The following CREM variants were observed in gnomAD, a reference collection of about 807,000 sequenced individuals.
CREM encodes the protein cAMP responsive element modulator.
CREM carries 13 observed loss-of-function variants against 37.3 expected under a neutral mutation model. That is an observed-to-expected ratio of 0.35 (90% CI 0.23 to 0.55). The LOEUF is 0.55. Ranked by LOEUF, CREM falls within the 20% of genes least tolerant of loss-of-function variation. The probability of loss-of-function intolerance (pLI) is 0.88; values close to 1 mark genes in which losing one functional copy is unlikely to be tolerated. For missense variants in CREM, 296 were observed against 362.3 expected (o/e 0.82, Z 1.49); for synonymous variants, 124 against 120.2 (o/e 1.03, Z -0.21).
intron 3 of CREM, among the ~76,000 whole-genome samples, chr10:35,170,568 C>T (rs1057504171): frequency 6.6e-6 from 1 of 152,104 alleles, no homozygotes; most frequent in South Asian, 2.1e-4. Flanking sequence ...ATTATTGCCT[C>T]AATTTCAGAG....
intron 3 of CREM, chr10:35,176,006 T>A: frequency 6.5e-7 from 1 of 1,546,166 alleles, no homozygotes; most frequent in Non-Finnish European, 8.7e-7. Context: ...TCAGGTTAGC[T>A]TCCTTCCTGA....
intron 6 of CREM, among the ~76,000 whole-genome samples, chr10:35,199,336 C>G (rs12775799): frequency 6.6e-6 from 1 of 151,978 alleles, no homozygotes; most frequent in Non-Finnish European, 1.5e-5. Context: ...TTGAAAAATG[C>G]ATAACGAAAT....
At chr10:35,171,525 A>C (rs1807515756) in intron 3 of CREM, among the ~76,000 whole-genome samples, 1 of 152,152 alleles carries the variant, frequency 6.6e-6, no homozygotes, top group Non-Finnish European at 1.5e-5. Context: ...AAGATGATTA[A>C]AGCAATGTAA....
intron 7 of CREM, among the ~76,000 whole-genome samples, 169 bp from the exon 8 acceptor site, chr10:35,211,085 A>G (rs1651574732): frequency 6.6e-6 from 1 of 152,182 alleles, no homozygotes. Context: ...CTGTTGTCTA[A>G]TGGTTATCTT....
chr10:35,207,872 T>A (rs983574756), intron 7 of CREM, among the ~76,000 whole-genome samples: 4 of 152,240 alleles, frequency 2.6e-5, no homozygotes, highest in Admixed American at 6.5e-5. Flanking sequence ...TTAGATTGTC[T>A]TCCAGTCAGA....
chr10:35,168,148 A>G (rs1435300115), intron 3 of CREM, among the ~76,000 whole-genome samples: 2 of 152,286 alleles, frequency 1.3e-5, no homozygotes, highest in Non-Finnish European at 1.5e-5. Flanking sequence ...TGGTATTTCT[A>G]GTTCTAGATC....
At chr10:35,158,310 C>G (rs1051949407) in intron 3 of CREM, 1 of 169,536 alleles carries the variant, frequency 5.9e-6, no homozygotes, top group African/African-American at 2.4e-5. Flanking sequence ...ACTGCCATGG[C>G]CAGTCCATTG....
In CREM at chr10:35,130,048, T is replaced by C. The variant is rs534534861; in HGVS notation, c.-55+2855T>C. Among the ~76,000 whole-genome samples, 6 of 151,356 alleles carry C rather than the reference T, an allele frequency of 4.0e-5. No individual in the cohort carries two copies. In the South Asian group the frequency reaches 1.3e-3, roughly 32 times the overall value. On this transcript the variant is annotated intron_variant, in intron 1 of 7. Coordinates refer to ENST00000685392, the MANE Select transcript of CREM (RefSeq NM_183011.2). Reference sequence around the variant, plus strand: ...CCCGTCTCTACTAAAAATACAAAATTAGCCGGGCATGGTGGCCCATGCCTG... The same window carrying C: ...CCCGTCTCTACTAAAAATACAAAATCAGCCGGGCATGGTGGCCCATGCCTG...
At chr10:35,158,798 G>GTTTTTTTTTTTTTTTT (rs543961468) in intron 3 of CREM, among the ~76,000 whole-genome samples, 1 of 100,840 alleles carries the variant, frequency 9.9e-6, no homozygotes, top group Non-Finnish European at 2.1e-5. Context: ...CAAATATAGT[G>GTTTTTTTTTTTTTTTT]TTTTTTTTTT....
At chr10:35,186,981 G>A (rs867254061) in intron 5 of CREM, among the ~76,000 whole-genome samples, 713 of 69,196 alleles carry the variant, frequency 0.01, 11 homozygotes, top group African/African-American at 0.039. Flanking sequence ...TATATTATAT[G>A]TGATATATAT....
chr10:35,191,491 G>A (rs2094917108), intron 6 of CREM, among the ~76,000 whole-genome samples: 1 of 152,122 alleles, frequency 6.6e-6, no homozygotes, highest in African/African-American at 2.4e-5. Flanking sequence ...AACACAGCAA[G>A]GCCAGTGGGC....
chr10:35,132,214 A>AG (rs981137886), intron 1 of CREM, among the ~76,000 whole-genome samples: 9 of 150,998 alleles, frequency 6.0e-5, no homozygotes, highest in African/African-American at 2.2e-4. Context: ...AAAAAAAAAA[A>AG]AAAGAAAAAA....
At chr10:35,134,089 C>T (rs181004800) in intron 1 of CREM, among the ~76,000 whole-genome samples, 2 of 151,488 alleles carry the variant, frequency 1.3e-5, no homozygotes, top group African/African-American at 4.8e-5. Flanking sequence ...CTCTGTTGCC[C>T]TGGCTGGAGT....
At chr10:35,155,101 G>T (rs2092814857) in intron 3 of CREM, among the ~76,000 whole-genome samples, 1 of 152,082 alleles carries the variant, frequency 6.6e-6, no homozygotes, top group East Asian at 1.9e-4. Flanking sequence ...TCAAATTTCA[G>T]AAAAATTTTG....
chr10:35,179,266 G>A lies in CREM; in HGVS notation c.399G>A (p.Thr133=), dbSNP rs765026398. 19 of 1,614,026 alleles carry A rather than the reference G, an allele frequency of 1.2e-5. No individual in the cohort carries two copies. The highest frequency in any genetic ancestry group is 1.4e-5 in the Non-Finnish European group (16 of 1,179,978). ...CAACTAGCATATATCAGACTAGCAC[G>A]GGGCAATACAGTATGTATGCTGCAA... ...AVPTSIYQTS[T]GQYIAIAQGG... The change falls in exon 5 of 8, where the codon ACG becomes ACA. Residue 133 remains threonine, a synonymous_variant. Transcript: ENST00000685392.
intron 3 of CREM, among the ~76,000 whole-genome samples, chr10:35,169,967 T>C (rs1408889218): frequency 6.8e-6 from 1 of 147,544 alleles, no homozygotes; most frequent in South Asian, 2.1e-4. Flanking sequence ...TGGAGAAGCT[T>C]TTTTTTTTTT....
intron 6 of CREM, chr10:35,195,282 G>A (rs2095105047): frequency 6.4e-7 from 1 of 1,572,098 alleles, no homozygotes; most frequent in Non-Finnish European, 8.7e-7. Context: ...AAGTATTCAG[G>A]AACATCTGAG....
At chr10:35,143,894 G>C (rs182171161) in intron 2 of CREM, among the ~76,000 whole-genome samples, 1 of 152,290 alleles carries the variant, frequency 6.6e-6, no homozygotes, top group East Asian at 1.9e-4. Flanking sequence ...GGGAGTTCCA[G>C]ATAGCATATT....
At chr10:35,163,648 T>G (rs2093400530) in intron 3 of CREM, among the ~76,000 whole-genome samples, 1 of 151,966 alleles carries the variant, frequency 6.6e-6, no homozygotes, top group African/African-American at 2.4e-5. Context: ...TGGTAAAACC[T>G]TGTCTCTATT....
Sources: allele counts gnomAD v4.1 joint callset (sites outside exome capture counted in the v4.1 genomes callset), GRCh38; gene constraint gnomAD v4.1.1; transcripts MANE v1.5; gene names NCBI Gene and HGNC (gene_info 2026-07-23, HGNC 2026-07-21).